DZIP1L: variants seen among roughly 807,000 people sequenced by gnomAD.
DZIP1L encodes the protein cilium assembly protein DZIP1L.
Under a neutral mutation model 88.7 loss-of-function variants are expected in DZIP1L, and 90 were observed. The ratio of observed to expected loss-of-function variants is 1.02; its 90% confidence interval spans 0.86 to 1.21. The LOEUF (loss-of-function observed/expected upper bound fraction) is 1.21. Ranked by LOEUF, DZIP1L falls within the 50% of genes most tolerant of loss-of-function variation. The pLI is 0.00. For synonymous variants in DZIP1L, 363 were observed against 372.1 expected (o/e 0.98, Z 0.28); for missense variants, 932 against 955.8 (o/e 0.98, Z 0.33).
At chr3:138,085,711 G>T (rs1347563722) in intron 7 of DZIP1L, among the ~76,000 whole-genome samples, 1 of 152,150 alleles carries the variant, frequency 6.6e-6, no homozygotes, top group Non-Finnish European at 1.5e-5. Flanking sequence ...ATTCCTCAGG[G>T]ATCTAGAACT....
At chr3:138,114,774 C>T (rs2042666162) in intron 1 of DZIP1L, among the ~76,000 whole-genome samples, 1 of 152,148 alleles carries the variant, frequency 6.6e-6, no homozygotes, top group Non-Finnish European at 1.5e-5. Context: ...GATCCCTGTC[C>T]TGCACTGAGC....
At chr3:138,068,902 C>A in intron 12 of DZIP1L, 1 of 1,253,240 alleles carries the variant, frequency 8.0e-7, no homozygotes, top group Non-Finnish European at 1.0e-6. Flanking sequence ...CCTATAGCCA[C>A]AAGAGCGGTC....
At chr3:138,084,002 G>C in intron 8 of DZIP1L, 111 bp downstream of exon 8, 1 of 1,439,868 alleles carries the variant, frequency 6.9e-7, no homozygotes, top group African/African-American at 1.4e-5. Flanking sequence ...TCTCCTTAAG[G>C]AGCCTGAGTG....
intron 15 of DZIP1L, among the ~76,000 whole-genome samples, chr3:138,064,031 C>T (rs1000158150): frequency 6.6e-6 from 1 of 152,140 alleles, no homozygotes; most frequent in South Asian, 2.1e-4. Context: ...GGAGGAGAGA[C>T]GGGCAGTGAG....
chr3:138,069,124 G>T, intron 12 of DZIP1L: 1 of 720,578 alleles, frequency 1.4e-6, no homozygotes, highest in Non-Finnish European at 2.4e-6. Context: ...CCACCCGTGA[G>T]ACAGCAAGAG....
intron 11 of DZIP1L, 132 bp downstream of exon 11, chr3:138,077,367 A>G (rs924337503): frequency 4.4e-6 from 6 of 1,379,076 alleles, no homozygotes; most frequent in Non-Finnish European, 6.0e-6. Flanking sequence ...CAGATGCCAG[A>G]GGAGCCCGGG....
intron 9 of DZIP1L, 117 bp downstream of exon 9, chr3:138,081,617 A>AGTGT: frequency 9.5e-7 from 1 of 1,051,686 alleles, no homozygotes; most frequent in Non-Finnish European, 1.4e-6. Context: ...CTACATGTCC[A>AGTGT]CAGGCTGCTG....
chr3:138,108,198 T>C (rs1287391103), intron 1 of DZIP1L: 2 of 985,292 alleles, frequency 2.0e-6, no homozygotes, highest in East Asian at 1.1e-4. Context: ...TCACCATGCT[T>C]AGCTCCAAAG....
At chr3:138,080,714 A>G (rs1194066814) in intron 9 of DZIP1L, 94 bp from the exon 10 acceptor site, 1 of 1,350,776 alleles carries the variant, frequency 7.4e-7, no homozygotes, top group African/African-American at 1.4e-5. Flanking sequence ...TATGAGCCAG[A>G]AAGAGAAAAC....
rs1218945567 is a variant in DZIP1L at position 138,071,981 on chromosome 3, G to A, written c.1423-146C>T. The A allele has an allele frequency of 5.0e-6, 4 of 792,806 alleles. No homozygotes were observed. In the African/African-American group the frequency reaches 5.2e-5, roughly 10 times the overall value. The allele number at this position is 792,806 out of a possible 1,614,324, so 49.1% of individuals were successfully genotyped here. A position where few individuals can be genotyped will look rare whatever the true frequency, so the allele number is the denominator to read the frequency against. On this transcript the variant is annotated intron_variant, in intron 11 of 15. Transcript: ENST00000327532. ...GCAGGACTGGGGGGCATGAAATGAGGATCAGAGAAGGGTAAGCAGCGGCTT... is the reference window on the plus strand; with the variant it reads ...GCAGGACTGGGGGGCATGAAATGAGAATCAGAGAAGGGTAAGCAGCGGCTT...
At chr3:138,102,362 C>A in intron 2 of DZIP1L, 1 of 1,179,486 alleles carries the variant, frequency 8.5e-7, no homozygotes. Context: ...TCTTTGTATG[C>A]TTATTGATCT....
At chr3:138,110,992 G>T (rs970882697) in intron 1 of DZIP1L, among the ~76,000 whole-genome samples, 1 of 152,188 alleles carries the variant, frequency 6.6e-6, no homozygotes, top group African/African-American at 2.4e-5. Flanking sequence ...CAAGTGCCAA[G>T]ACAGGAGCTG....
intron 11 of DZIP1L, among the ~76,000 whole-genome samples, chr3:138,073,039 C>T (rs1020618591): frequency 2.6e-5 from 4 of 152,110 alleles, no homozygotes; most frequent in Admixed American, 1.3e-4. Flanking sequence ...AGGCTGAGCT[C>T]AGACACGTCT....
intron 1 of DZIP1L, among the ~76,000 whole-genome samples, chr3:138,110,042 C>T (rs576662474): frequency 2.0e-5 from 3 of 152,156 alleles, no homozygotes; most frequent in African/African-American, 7.2e-5. Context: ...ATGTAACAAA[C>T]ATGCACGTTC....
chr3:138,105,063 G>A (rs189036610), intron 1 of DZIP1L, among the ~76,000 whole-genome samples: 10 of 152,150 alleles, frequency 6.6e-5, no homozygotes, highest in Admixed American at 6.5e-4. Flanking sequence ...CTATTGATTG[G>A]TATAAAGCAG....
At chr3:138,085,855 C>A (rs1943906962) in intron 7 of DZIP1L, among the ~76,000 whole-genome samples, 1 of 152,178 alleles carries the variant, frequency 6.6e-6, no homozygotes, top group South Asian at 2.1e-4. Context: ...TTGGAACCAA[C>A]CCAAATGTCC....
rs757615200 is a variant in DZIP1L at position 138,068,309 on chromosome 3, C to A, written c.1674G>T (p.Leu558=). The A allele has an allele frequency of 2.5e-6, 4 of 1,595,456 alleles. No homozygotes were observed. The Admixed American group carries it at 6.9e-5, about 28-fold the overall frequency. ...TREAQPKTRT[L]QVALPSTPAE... ...CCGGTGTGGATGGCAAGGCCACCTG[C>A]AGGGTCCTGGTCTTTGGCTGGGCCT... is the stretch of plus-strand genomic sequence containing the variant. The change falls in exon 13 of 16, where the codon CTG becomes CTT. Residue 558 remains leucine (L), a synonymous_variant. Transcript: ENST00000327532.
intron 14 of DZIP1L, among the ~76,000 whole-genome samples, chr3:138,066,476 A>G (rs1297190849): frequency 6.6e-6 from 1 of 152,190 alleles, no homozygotes; most frequent in East Asian, 1.9e-4. Context: ...ACTCTAACAC[A>G]TTAACTTCAA....
Position 138,077,486 on chromosome 3 carries a change from C to T in DZIP1L, c.1422+13G>A, listed in dbSNP as rs1255592138. 9.3e-6 allele frequency: 15 copies of T among 1,613,868 alleles called. No individual in the cohort carries two copies. The highest frequency in any genetic ancestry group is 1.3e-5 in the Non-Finnish European group (15 of 1,179,848). On this transcript the variant is annotated intron_variant, in intron 11 of 15. Coordinates refer to ENST00000327532, the MANE Select transcript of DZIP1L (RefSeq NM_173543.3). ...TAGGTATCAGCCCTTAAAACGATGG[C>T]CCTGAAACTCACCTTCCTTATCCCC...
Sources: gnomAD v4.1 joint callset for allele counts (sites outside exome capture counted in the v4.1 genomes callset) on GRCh38, gnomAD v4.1.1 for gene constraint, MANE v1.5 for transcripts, NCBI Gene and HGNC (gene_info 2026-07-23, HGNC 2026-07-21) for gene names.